ITGBL1: variants seen among roughly 807,000 people sequenced by gnomAD.
ITGBL1 encodes integrin beta-like protein 1.
A neutral mutation model predicts 68.5 loss-of-function variants in ITGBL1; 51 were observed. The observed-to-expected ratio is 0.74, with a 90% CI of 0.59 to 0.94. ITGBL1 has a LOEUF of 0.94. Ranked by LOEUF, ITGBL1 falls within the 40% of genes least tolerant of loss-of-function variation. ITGBL1 has a pLI of 0.00. For synonymous variants in ITGBL1, 209 were observed against 227.3 expected, an observed-to-expected ratio of 0.92 and a Z score of 0.72; for missense variants, 649 against 647.4, an observed-to-expected ratio of 1.00 and a Z score of -0.03.
chr13:101,640,188 T>C (rs994909630), intron 7 of ITGBL1, among the ~76,000 whole-genome samples: 4 of 152,176 alleles, frequency 2.6e-5, no homozygotes, highest in African/African-American at 7.2e-5. Flanking sequence ...ATTATCTGAG[T>C]ATAAAGCATT....
chr13:101,630,173 T>A (rs2031930687), intron 7 of ITGBL1, among the ~76,000 whole-genome samples: 2 of 152,214 alleles, frequency 1.3e-5, no homozygotes, highest in African/African-American at 4.8e-5. Context: ...GAATTTTATT[T>A]GGACAATTTG....
At chr13:101,518,950 A>C (rs1162094882) in intron 2 of ITGBL1, among the ~76,000 whole-genome samples, 1 of 152,174 alleles carries the variant, frequency 6.6e-6, no homozygotes, top group Non-Finnish European at 1.5e-5. Context: ...GTTTTTAGCT[A>C]TTATACTTAG....
chr13:101,615,996 A>T (rs1315827149), intron 7 of ITGBL1, among the ~76,000 whole-genome samples: 1 of 152,160 alleles, frequency 6.6e-6, no homozygotes, highest in African/African-American at 2.4e-5. Context: ...GTTGTTTATG[A>T]GCTACTCATC....
intron 7 of ITGBL1, among the ~76,000 whole-genome samples, chr13:101,605,959 TACAC>T: frequency 6.8e-6 from 1 of 147,288 alleles, no homozygotes; most frequent in East Asian, 2.0e-4. Flanking sequence ...TATACACATA[TACAC>T]ATATATATGC....
At chr13:101,635,433 A>C (rs2032139167) in intron 7 of ITGBL1, among the ~76,000 whole-genome samples, 1 of 152,086 alleles carries the variant, frequency 6.6e-6, no homozygotes, top group African/African-American at 2.4e-5. Flanking sequence ...TTTAGTCATA[A>C]ACAAATAACT....
At chr13:101,664,647 CCTT>C (rs2033169807) in intron 7 of ITGBL1, among the ~76,000 whole-genome samples, 1 of 152,050 alleles carries the variant, frequency 6.6e-6, no homozygotes. Flanking sequence ...AATCAAGTGA[CCTT>C]ATGTGTATGA....
intron 7 of ITGBL1, among the ~76,000 whole-genome samples, chr13:101,599,179 A>G (rs2030191463): frequency 6.6e-6 from 1 of 151,280 alleles, no homozygotes; most frequent in Admixed American, 6.6e-5. Context: ...CATTTCTCTG[A>G]TGGCCAGTGA....
intron 7 of ITGBL1, among the ~76,000 whole-genome samples, chr13:101,598,500 A>G (rs2030134709): frequency 1.3e-5 from 2 of 151,916 alleles, no homozygotes; most frequent in South Asian, 2.1e-4. Context: ...TTTGTTACAT[A>G]TGTATACATG....
At chr13:101,485,133 CAA>C (rs1388612163) in intron 2 of ITGBL1, among the ~76,000 whole-genome samples, 1 of 152,032 alleles carries the variant, frequency 6.6e-6, no homozygotes, top group Non-Finnish European at 1.5e-5. Flanking sequence ...TTTTCAAAAA[CAA>C]ATGTGAAATT....
At chr13:101,668,943 C>T (rs1040204181) in intron 7 of ITGBL1, among the ~76,000 whole-genome samples, 1 of 151,902 alleles carries the variant, frequency 6.6e-6, no homozygotes, top group East Asian at 1.9e-4. Context: ...GCACACATTC[C>T]TAGAAGTTGT....
At chr13:101,528,293 A>G (rs1047675784) in intron 2 of ITGBL1, among the ~76,000 whole-genome samples, 10 of 146,966 alleles carry the variant, frequency 6.8e-5, no homozygotes, top group Non-Finnish European at 1.2e-4. Context: ...TATTGCCTTT[A>G]TAATATTCAA....
At chr13:101,602,469 A>G (rs1005934191) in intron 7 of ITGBL1, among the ~76,000 whole-genome samples, 1 of 152,060 alleles carries the variant, frequency 6.6e-6, no homozygotes, top group Non-Finnish European at 1.5e-5. Context: ...GTCGTAATTG[A>G]CATTATTACC....
downstream of ITGBL1, chr13:101,719,171 T>C (rs2034831626): frequency 6.6e-6 from 1 of 152,190 alleles, no homozygotes; most frequent in Non-Finnish European, 1.5e-5. Flanking sequence ...AAGTGATACG[T>C]GTCTAACTTA....
chr13:101,518,384 T>C (rs1343471159), intron 2 of ITGBL1, among the ~76,000 whole-genome samples: 3 of 152,194 alleles, frequency 2.0e-5, no homozygotes, highest in Non-Finnish European at 4.4e-5. Flanking sequence ...GCTGGATAAA[T>C]CTAATTCATC....
At chr13:101,594,285 A>T (rs1302266645) in intron 6 of ITGBL1, among the ~76,000 whole-genome samples, 1 of 152,198 alleles carries the variant, frequency 6.6e-6, no homozygotes, top group East Asian at 1.9e-4. Flanking sequence ...CCATACATTT[A>T]TAGCCAATTG....
chr13:101,486,528 C>T (rs1477299088), intron 2 of ITGBL1, among the ~76,000 whole-genome samples: 1 of 151,820 alleles, frequency 6.6e-6, no homozygotes, highest in Non-Finnish European at 1.5e-5. Flanking sequence ...AATAAGACCC[C>T]CATCAAAAAA....
chr13:101,463,144 T>C (rs547502398), intron 2 of ITGBL1, among the ~76,000 whole-genome samples: 1 of 152,344 alleles, frequency 6.6e-6, no homozygotes, highest in South Asian at 2.1e-4. Flanking sequence ...TGCTTAAATA[T>C]GCTAGACACC....
chr13:101,612,012 C>T (rs1419953091), intron 7 of ITGBL1, among the ~76,000 whole-genome samples: 2 of 152,092 alleles, frequency 1.3e-5, no homozygotes, highest in Non-Finnish European at 2.9e-5. Context: ...ATATATTCTT[C>T]AGTTATGGCA....
At chr13:101,644,819 G>A (rs2139438180) in intron 7 of ITGBL1, among the ~76,000 whole-genome samples, 1 of 152,214 alleles carries the variant, frequency 6.6e-6, no homozygotes, top group African/African-American at 2.4e-5. Flanking sequence ...ATATTGTGGA[G>A]TACCTAATGA....
Sources: gnomAD v4.1 joint callset for allele counts (sites outside exome capture counted in the v4.1 genomes callset) on GRCh38, gnomAD v4.1.1 for gene constraint, MANE v1.5 for transcripts, NCBI Gene and HGNC (gene_info 2026-07-23, HGNC 2026-07-21) for gene names.